SEC31A: variants seen among roughly 807,000 people sequenced by gnomAD.
SEC31A encodes SEC31 homolog A, COPII component.
Under a neutral mutation model 151.0 loss-of-function variants are expected in SEC31A, and 70 were observed. The ratio of observed to expected loss-of-function variants is 0.46; its 90% confidence interval spans 0.38 to 0.57. The LOEUF (loss-of-function observed/expected upper bound fraction) is 0.57. Ranked by LOEUF, SEC31A falls within the 20% of genes least tolerant of loss-of-function variation. SEC31A has a pLI of 0.00. For missense variants in SEC31A, 1,330 were observed against 1,471.2 expected, an observed-to-expected ratio of 0.90 and a Z score of 1.57; for synonymous variants, 475 against 505.9, an observed-to-expected ratio of 0.94 and a Z score of 0.82.
upstream of SEC31A, chr4:82,895,429 C>T (rs1430713167): frequency 6.6e-6 from 1 of 152,218 alleles, no homozygotes; most frequent in African/African-American, 2.4e-5. Context: ...GAGATTGCGC[C>T]GCTGCACTCC....
Position 82,865,209 on chromosome 4 carries a change from A to G in SEC31A, c.1198-611T>C, listed in dbSNP as rs1009509623. On this transcript the variant is annotated intron_variant, in intron 10 of 26. Transcript: ENST00000395310. ...GCTATTAGAAGTTTGGCATGAAAGAATTAGGCAAGGTATCAGCAATGTAAA... is the reference window on the plus strand; with the variant it reads ...GCTATTAGAAGTTTGGCATGAAAGAGTTAGGCAAGGTATCAGCAATGTAAA... 9.2e-5 allele frequency among the ~76,000 whole-genome samples: 14 copies of G among 152,320 alleles called. No homozygotes were observed. In the South Asian group the frequency reaches 2.9e-3, roughly 32 times the overall value.
chr4:82,882,158 C>T (rs1739494915), intron 1 of SEC31A, among the ~76,000 whole-genome samples: 1 of 152,140 alleles, frequency 6.6e-6, no homozygotes, highest in African/African-American at 2.4e-5. Flanking sequence ...AATCCCAGCA[C>T]TTTGGGAGGC....
chr4:82,824,843 C>G (rs1553923706), intron 24 of SEC31A, among the ~76,000 whole-genome samples, 169 bp from the exon 25 acceptor site: 1 of 151,898 alleles, frequency 6.6e-6, no homozygotes, highest in Non-Finnish European at 1.5e-5. Context: ...AAATAAAAAC[C>G]AGATATCTAG....
intron 17 of SEC31A, 42 bp downstream of exon 17, chr4:82,854,861 C>T (rs976700633): frequency 1.9e-6 from 3 of 1,546,806 alleles, no homozygotes; most frequent in Admixed American, 2.1e-5. Flanking sequence ...ATATACCCTG[C>T]CACGTATGTA....
chr4:82,846,995 G>A (rs566694241), intron 20 of SEC31A, among the ~76,000 whole-genome samples: 5 of 152,320 alleles, frequency 3.3e-5, no homozygotes, highest in Admixed American at 6.5e-5. Flanking sequence ...GATTACAGGC[G>A]TGAGCCACCG....
At chr4:82,853,798 G>T in intron 17 of SEC31A, 83 bp from the exon 18 acceptor site, 1 of 1,123,986 alleles carries the variant, frequency 8.9e-7, no homozygotes. Flanking sequence ...AATATTTTCA[G>T]AGGCATGGAT....
Position 82,818,892 on chromosome 4 carries a change from AAAAT to A in SEC31A, c.*178_*181del, listed in dbSNP as rs1722752814. ...TCACTGGCAACAAAAGATTAAAACAAAAATAAAGCACCAGGGTTCTGAGCAGTTC... is the reference window on the plus strand; with the variant it reads ...TCACTGGCAACAAAAGATTAAAACAAAAAGCACCAGGGTTCTGAGCAGTTC... On this transcript the variant is annotated 3_prime_UTR_variant, in exon 27 of 27. Transcript: ENST00000395310. 1 of 410,882 alleles carries A rather than the reference AAAAT, an allele frequency of 2.4e-6. No individual in the cohort carries two copies. The allele number at this position is 410,882 out of a possible 1,614,324, so 25.5% of individuals were successfully genotyped here.
At chr4:82,877,251 G>T (rs985489140) in intron 4 of SEC31A, among the ~76,000 whole-genome samples, 1 of 151,732 alleles carries the variant, frequency 6.6e-6, no homozygotes, top group East Asian at 1.9e-4. Flanking sequence ...CAACAAAAAA[G>T]AAATAAACAA....
At chr4:82,853,234 C>A (rs1731836186) in intron 18 of SEC31A, among the ~76,000 whole-genome samples, 1 of 152,186 alleles carries the variant, frequency 6.6e-6, no homozygotes, top group African/African-American at 2.4e-5. Context: ...CACATTGCTT[C>A]TTTCTTTGCT....
rs1722757094 is a variant in SEC31A, at chr4:82,818,913, G to C, written c.*161C>G. 2.2e-6 allele frequency: 1 copy of C among 446,156 alleles called. No homozygotes were observed. Among genetic ancestry groups the C allele is most frequent in the African/African-American group, 2.0e-5 (1 of 49,698 alleles). The allele number at this position is 446,156 out of a possible 1,614,324, so 27.6% of individuals were successfully genotyped here. ...AACAAAAATAAAGCACCAGGGTTCT[G>C]AGCAGTTCTAAGGTGAGTATATCAG... On this transcript the variant is annotated 3_prime_UTR_variant, in exon 27 of 27. Coordinates refer to ENST00000395310, the MANE Select transcript of SEC31A (RefSeq NM_001077207.4).
At chr4:82,829,494 C>T (rs1725426456) in intron 22 of SEC31A, 1 of 153,576 alleles carries the variant, frequency 6.5e-6, no homozygotes, top group African/African-American at 2.4e-5. Flanking sequence ...TAGCAATCTC[C>T]TATTTGCCAA....
Position 82,821,072 on chromosome 4 carries a change from A to G in SEC31A, c.3448T>C (p.Leu1150=), listed in dbSNP as rs763515528. 1.9e-6 allele frequency: 3 copies of G among 1,613,988 alleles called. No individual in the cohort carries two copies. Among genetic ancestry groups the G allele is most frequent in the African/African-American group, 2.7e-5 (2 of 74,940 alleles). ...CTAAGTTTATCATACAGAAACTCCA[A>G]ACGTTTGCTGGCATCATCTAGCTTC... is the stretch of plus-strand genomic sequence containing the variant. ...KRKLDDASKR[L]EFLYDKLREQ... The change falls in exon 26 of 27, where the codon TTG becomes CTG. Residue 1150 remains leucine, a synonymous_variant. Coordinates refer to ENST00000395310, the MANE Select transcript of SEC31A (RefSeq NM_001077207.4).
Position 82,891,075 on chromosome 4 carries a change from C to A in SEC31A, c.-5+13G>T. The A allele has an allele frequency of 6.5e-7, 1 of 1,535,878 alleles. No homozygotes were observed. Among genetic ancestry groups the A allele is most frequent in the Non-Finnish European group, 8.7e-7 (1 of 1,146,750 alleles). On this transcript the variant is annotated intron_variant, in intron 1 of 26. Coordinates refer to ENST00000395310, the MANE Select transcript of SEC31A (RefSeq NM_001077207.4). ...GACCGGCGAAGAGGACAAAAAGCAACGGGCGGACGCACCTGGCGAGGACCT... is the reference window on the plus strand; with the variant it reads ...GACCGGCGAAGAGGACAAAAAGCAAAGGGCGGACGCACCTGGCGAGGACCT...
intron 12 of SEC31A, 44 bp downstream of exon 12, chr4:82,863,274 A>G (rs777769720): frequency 2.8e-6 from 3 of 1,061,844 alleles, no homozygotes; most frequent in Admixed American, 4.4e-5. Context: ...TTTTAAAAGT[A>G]TGATTCATAA....
chr4:82,845,466 C>T (rs1305847230), intron 20 of SEC31A, among the ~76,000 whole-genome samples: 2 of 151,690 alleles, frequency 1.3e-5, no homozygotes, highest in Admixed American at 1.3e-4. Flanking sequence ...CCCAAAAAAA[C>T]AAAACAAAAC....
At chr4:82,849,608 C>T (rs1319879816) in intron 19 of SEC31A, among the ~76,000 whole-genome samples, 11 of 57,742 alleles carry the variant, frequency 1.9e-4, no homozygotes, top group Admixed American at 1.1e-3. Flanking sequence ...AGCAAGAATC[C>T]GTCTCAAAAA....
At chr4:82,897,293 A>C (rs1303378430) in intron 3 of SEC31A, among the ~76,000 whole-genome samples, 3 of 152,200 alleles carry the variant, frequency 2.0e-5, no homozygotes, top group Non-Finnish European at 4.4e-5. Context: ...GAGATTCTAG[A>C]AGTAGAAATA....
At chr4:82,844,217 T>C in intron 21 of SEC31A, 169 bp downstream of exon 21, 1 of 637,148 alleles carries the variant, frequency 1.6e-6, no homozygotes, top group Non-Finnish European at 2.6e-6. Context: ...AGCATAGTGA[T>C]TCAGGCCACC....
intron 10 of SEC31A, among the ~76,000 whole-genome samples, chr4:82,865,583 T>TATATATATATAC (rs1560638362): frequency 8.0e-5 from 8 of 99,724 alleles, no homozygotes; most frequent in Non-Finnish European, 1.1e-4. Flanking sequence ...TATATATATA[T>TATATATATATAC]ACAATGCAAT....
Sources: allele counts gnomAD v4.1 joint callset (sites outside exome capture counted in the v4.1 genomes callset), GRCh38; gene constraint gnomAD v4.1.1; transcripts MANE v1.5; gene names NCBI Gene and HGNC (gene_info 2026-07-23, HGNC 2026-07-21).